Variants in CACNA2D3 observed in about 807,000 individuals in gnomAD.
CACNA2D3 encodes the protein voltage-dependent calcium channel subunit alpha-2/delta-3.
A neutral mutation model predicts 160.6 loss-of-function variants in CACNA2D3; 60 were observed. That is an observed-to-expected ratio of 0.37 (90% CI 0.30 to 0.46). The LOEUF is 0.46. CACNA2D3 is among the 20% of genes least tolerant of loss of function. The pLI is 1.00. For synonymous variants in CACNA2D3, 558 were observed against 492.9 expected, an observed-to-expected ratio of 1.13 and a Z score of -1.75; for missense variants, 1,205 against 1,365.0, an observed-to-expected ratio of 0.88 and a Z score of 1.85.
chr3:54,948,127 A>G (rs890857199), intron 27 of CACNA2D3, among the ~76,000 whole-genome samples: 1 of 152,130 alleles, frequency 6.6e-6, no homozygotes, highest in Non-Finnish European at 1.5e-5. Flanking sequence ...ATGACCTCAA[A>G]TTACAATGAC....
At chr3:54,293,491 T>TG (rs1375528841) in intron 2 of CACNA2D3, among the ~76,000 whole-genome samples, 2 of 152,090 alleles carry the variant, frequency 1.3e-5, no homozygotes, top group Non-Finnish European at 2.9e-5. Flanking sequence ...CTTAGAATAA[T>TG]GATCTCCAGT....
chr3:54,452,841 T>C (rs988355782), intron 4 of CACNA2D3, among the ~76,000 whole-genome samples: 1 of 152,204 alleles, frequency 6.6e-6, no homozygotes, highest in African/African-American at 2.4e-5. Flanking sequence ...TTCTGGTGGT[T>C]GCTGGCTGTC....
chr3:54,686,680 C>G (rs1700454631), intron 11 of CACNA2D3, among the ~76,000 whole-genome samples: 2 of 152,174 alleles, frequency 1.3e-5, no homozygotes, highest in African/African-American at 4.8e-5. Context: ...CTTAGCAACA[C>G]TATTTGACAT....
At chr3:54,583,733 G>A (rs1469631002) in intron 9 of CACNA2D3, among the ~76,000 whole-genome samples, 4 of 151,832 alleles carry the variant, frequency 2.6e-5, no homozygotes, top group Non-Finnish European at 4.4e-5. Flanking sequence ...TTGGATTTTT[G>A]GATTAGTATG....
At chr3:54,714,981 G>A (rs537496129) in intron 11 of CACNA2D3, among the ~76,000 whole-genome samples, 2 of 152,166 alleles carry the variant, frequency 1.3e-5, no homozygotes, top group East Asian at 1.9e-4. Context: ...GCAATCAACT[G>A]TCCAGCAGAT....
chr3:54,427,823 G>C (rs933268647), intron 4 of CACNA2D3, among the ~76,000 whole-genome samples: 1 of 152,182 alleles, frequency 6.6e-6, no homozygotes, highest in African/African-American at 2.4e-5. Context: ...ACCTGGACCA[G>C]AAATCCAGCT....
At position 54,892,280 on chromosome 3, in the gene CACNA2D3, T is replaced by C. The variant is rs114775293; in HGVS notation, c.2246+830T>C. Among the ~76,000 whole-genome samples, 1,302 of 152,164 alleles carry C rather than the reference T, an allele frequency of 8.6e-3. 27 individuals are homozygous for C. The highest frequency in any genetic ancestry group is 0.03 in the African/African-American group (1,228 of 41,516). On this transcript the variant is annotated intron_variant, in intron 25 of 37. Transcript: ENST00000474759. Reference sequence around the variant, plus strand: ...GAGTTCAGAGGTTACCACAGAACATTATACCCCCAACCTTCAGGGTACCTG... The same window carrying C: ...GAGTTCAGAGGTTACCACAGAACATCATACCCCCAACCTTCAGGGTACCTG...
In CACNA2D3 at chr3:55,004,755, T is replaced by A; in HGVS notation, c.2691-8T>A. 6.2e-7 allele frequency: 1 copy of A among 1,607,904 alleles called. No individual in the cohort carries two copies. The highest frequency in any genetic ancestry group is 8.5e-7 in the Non-Finnish European group (1 of 1,174,828). The stretch of plus-strand genomic sequence containing the variant: ...TTAGTGAAGCTCCCTTCCATTTCTT[T>A]CCTGTAGAATTACCCTTTATGACTA... On this transcript the variant is annotated splice_polypyrimidine_tract_variant and splice_region_variant and intron_variant, in intron 31 of 37. Coordinates refer to ENST00000474759, the MANE Select transcript of CACNA2D3 (RefSeq NM_018398.3).
In CACNA2D3 at chr3:55,074,165, C is replaced by G. The variant is rs768862493; in HGVS notation, c.3235C>G (p.Leu1079Val). The G allele has an allele frequency of 5.6e-6, 9 of 1,613,810 alleles. No individual in the cohort carries two copies. The highest frequency in any genetic ancestry group is 1.7e-4 in the Middle Eastern group (1 of 6,060). ...GAPSLQAQTV[L>V]LLLPLLLMLF... Reference sequence around the variant, plus strand: ...GCCGAGTCTCCAAGCCCAGACAGTCCTCCTTCTGCTCCCTCTGCTTTTGAT... The same window carrying G: ...GCCGAGTCTCCAAGCCCAGACAGTCGTCCTTCTGCTCCCTCTGCTTTTGAT... Residue 1079 changes from leucine to valine, a missense_variant, in exon 38 of 38, where the codon CTC becomes GTC. This residue lies in a region of CACNA2D3 where 911 missense variants were observed against 1,002.2 expected (regional missense o/e 0.91). Coordinates refer to ENST00000474759, the MANE Select transcript of CACNA2D3 (RefSeq NM_018398.3).
rs74568941 is a variant in CACNA2D3 at position 55,021,381 on chromosome 3, C to T, written c.2987+3064C>T. Among the ~76,000 whole-genome samples, 443 of 151,656 alleles carry T rather than the reference C, an allele frequency of 2.9e-3. 1 individual carries two copies. Among genetic ancestry groups the T allele is most frequent in the African/African-American group, 0.01 (423 of 41,392 alleles). On this transcript the variant is annotated intron_variant, in intron 35 of 37. Transcript: ENST00000474759. ...AGTTTTTAATTGATCCTCCCTCTTG[C>T]TCCCTTTCCTCTTGCCTCCTTCCCT...
At chr3:54,580,703 C>T (rs1217479462) in intron 8 of CACNA2D3, among the ~76,000 whole-genome samples, 1 of 152,178 alleles carries the variant, frequency 6.6e-6, no homozygotes, top group African/African-American at 2.4e-5. Context: ...GGTGTGGTCC[C>T]ACTTTGTGGT....
chr3:54,324,801 G>A (rs1240404264), intron 3 of CACNA2D3, among the ~76,000 whole-genome samples: 2 of 152,130 alleles, frequency 1.3e-5, no homozygotes, highest in Non-Finnish European at 2.9e-5. Flanking sequence ...TTTCAAGGGA[G>A]ATATTTCACA....
At chr3:54,516,256 T>C (rs1701549268) in intron 5 of CACNA2D3, among the ~76,000 whole-genome samples, 1 of 152,218 alleles carries the variant, frequency 6.6e-6, no homozygotes, top group African/African-American at 2.4e-5. Context: ...CTAGTACAAA[T>C]GACTTGATGA....
intron 2 of CACNA2D3, among the ~76,000 whole-genome samples, chr3:54,149,863 A>G (rs907218877): frequency 6.9e-6 from 1 of 145,460 alleles, no homozygotes; most frequent in African/African-American, 2.6e-5. Flanking sequence ...AGTAACAGAG[A>G]GGGCTGTCCT....
At chr3:54,899,141 A>G (rs1230511772) in intron 26 of CACNA2D3, among the ~76,000 whole-genome samples, 1 of 152,364 alleles carries the variant, frequency 6.6e-6, no homozygotes, top group South Asian at 2.1e-4. Flanking sequence ...AACTCCAGGC[A>G]TTCAGAATTT....
intron 2 of CACNA2D3, among the ~76,000 whole-genome samples, chr3:54,275,330 C>G (rs1463364342): frequency 1.3e-5 from 2 of 152,122 alleles, no homozygotes; most frequent in African/African-American, 4.8e-5. Context: ...AGTTCTTGAC[C>G]TCTTTTATGC....
intron 4 of CACNA2D3, among the ~76,000 whole-genome samples, chr3:54,447,986 A>G (rs966329517): frequency 6.6e-6 from 1 of 152,192 alleles, no homozygotes; most frequent in Non-Finnish European, 1.5e-5. Context: ...CTCCACACAA[A>G]GTAGCACAAC....
At chr3:54,788,758 T>G (rs1702689424) in intron 13 of CACNA2D3, among the ~76,000 whole-genome samples, 2 of 152,204 alleles carry the variant, frequency 1.3e-5, no homozygotes, top group Admixed American at 1.3e-4. Flanking sequence ...GCTATAAAAT[T>G]TATATTGTAT....
At chr3:55,070,796 TTTTTAAC>T (rs1704787466) in intron 35 of CACNA2D3, among the ~76,000 whole-genome samples, 1 of 152,222 alleles carries the variant, frequency 6.6e-6, no homozygotes, top group Non-Finnish European at 1.5e-5. Flanking sequence ...TGAAAGGTGT[TTTTTAAC>T]TTTTAATTTT....
Sources: allele counts gnomAD v4.1 joint callset (sites outside exome capture counted in the v4.1 genomes callset), GRCh38; gene constraint gnomAD v4.1.1; regional missense constraint gnomAD v4.1.1; transcripts MANE v1.5; gene names NCBI Gene and HGNC (gene_info 2026-07-23, HGNC 2026-07-21).